SYT7: variants seen among roughly 807,000 people sequenced by gnomAD.
The protein encoded by SYT7 is synaptotagmin-7.
Under a neutral mutation model 75.1 loss-of-function variants are expected in SYT7, and 29 were observed. The ratio of observed to expected loss-of-function variants is 0.39; its 90% CI spans 0.29 to 0.53. The LOEUF (loss-of-function observed/expected upper bound fraction) is 0.53. Among genes scored for constraint, SYT7 ranks in the 20% least tolerant of loss-of-function variants. SYT7 has a pLI of 0.77. For missense variants in SYT7, 693 were observed against 953.2 expected, an observed-to-expected ratio of 0.73 and a Z score of 3.59; for synonymous variants, 376 against 401.7, an observed-to-expected ratio of 0.94 and a Z score of 0.76.
rs1483438042 is a variant in SYT7, at chr11:61,523,720, G to A, written c.1756+107C>T. On this transcript the variant is annotated intron_variant, in intron 11 of 12. Transcript: ENST00000539008. The surrounding 1 kb of genome is among the most constrained non-coding windows in gnomAD (Gnocchi z 5.0). ...TGAGGACTGGAGGTCGGGGTGTGGC[G>A]GGTTGGGGTGAGGACCACTGCAGAC... The A allele has an allele frequency of 8.6e-6, 10 of 1,168,526 alleles. No individual in the cohort carries two copies. Among genetic ancestry groups the A allele is most frequent in the East Asian group, 2.4e-5 (1 of 42,364 alleles). 72.4% of individuals were successfully genotyped at this position (1,168,526 alleles called of 1,614,324 possible).
chr11:61,528,306 G>A lies in SYT7; in HGVS notation c.1201-121C>T, dbSNP rs1464791015. ...GGCCCAGCCCACACTCACATCCCAC[G>A]GACGCTGCTCAGGCTCAGAGGGCAG... is the stretch of plus-strand genomic sequence containing the variant. On this transcript the variant is annotated intron_variant, in intron 8 of 12. Transcript: ENST00000539008. The A allele has an allele frequency of 2.8e-5, 35 of 1,260,012 alleles. No homozygotes were observed. The East Asian group carries it at 4.7e-4, about 17-fold the overall frequency. 78.1% of individuals were successfully genotyped at this position (1,260,012 alleles called of 1,614,324 possible).
At chr11:61,579,561 G>T (rs75033012) in intron 1 of SYT7, among the ~76,000 whole-genome samples, 1 of 152,096 alleles carries the variant, frequency 6.6e-6, no homozygotes, top group Admixed American at 6.5e-5. Context: ...TTCCTCAGGA[G>T]GCAGGGACAG....
chr11:61,558,742 C>T (rs418308), intron 1 of SYT7, among the ~76,000 whole-genome samples: 26,405 of 152,056 alleles, frequency 0.17, 2,805 homozygotes, highest in South Asian at 0.28. Flanking sequence ...TGAGTACCAC[C>T]TCTGCCTCTT....
chr11:61,561,516 G>C (rs900126084), intron 1 of SYT7, among the ~76,000 whole-genome samples: 1 of 152,190 alleles, frequency 6.6e-6, no homozygotes, highest in Admixed American at 6.5e-5. Context: ...GGAGATCTCA[G>C]GGTCAGGTCT....
chr11:61,519,882 A>G (rs2062259131), intron 12 of SYT7, among the ~76,000 whole-genome samples: 1 of 152,150 alleles, frequency 6.6e-6, no homozygotes. Context: ...GTGTAATGGC[A>G]CGATCTCGAC....
At chr11:61,555,262 G>A (rs2063463287) in intron 2 of SYT7, among the ~76,000 whole-genome samples, 1 of 152,204 alleles carries the variant, frequency 6.6e-6, no homozygotes. Context: ...ACCTGACTCC[G>A]CCAAAGGCGT....
chr11:61,533,784 G>T, intron 7 of SYT7: 2 of 549,210 alleles, frequency 3.6e-6, no homozygotes, highest in Non-Finnish European at 4.6e-6. Context: ...GTGGCTGAGA[G>T]CTGAAATTTT....
chr11:61,560,082 G>A (rs2063598829), intron 1 of SYT7, among the ~76,000 whole-genome samples: 1 of 152,190 alleles, frequency 6.6e-6, no homozygotes, highest in Admixed American at 6.5e-5. Context: ...ACAGAGATAA[G>A]CATTATGAGT....
At chr11:61,539,087 A>G (rs1365430648) in intron 6 of SYT7, among the ~76,000 whole-genome samples, 2 of 152,204 alleles carry the variant, frequency 1.3e-5, no homozygotes, top group African/African-American at 4.8e-5. Context: ...ATTGGAGAAG[A>G]GGTCCAGAAG....
chr11:61,573,546 T>C (rs982071099), intron 1 of SYT7, among the ~76,000 whole-genome samples: 1 of 152,242 alleles, frequency 6.6e-6, no homozygotes, highest in African/African-American at 2.4e-5. Flanking sequence ...AAGTTCTTTA[T>C]AGAGATCTGC....
In SYT7 at chr11:61,514,291, C is replaced by T. The variant is rs12808337; in HGVS notation, c.*4336G>A. Among the ~76,000 whole-genome samples, 2 of 152,098 alleles carry T rather than the reference C, an allele frequency of 1.3e-5. No homozygotes were observed. The highest frequency in any genetic ancestry group is 4.8e-5 in the African/African-American group (2 of 41,392). On this transcript the variant is annotated 3_prime_UTR_variant, in exon 13 of 13. Coordinates refer to ENST00000539008, the MANE Select transcript of SYT7 (RefSeq NM_001365809.2). ...GCCCCTGAGGCTACTTACCTGACCC[C>T]GGGGCTTCCTCTGATCTCTGGAACA...
chr11:61,558,465 G>C (rs1281882142), intron 1 of SYT7, among the ~76,000 whole-genome samples: 1 of 148,310 alleles, frequency 6.7e-6, no homozygotes, highest in Non-Finnish European at 1.5e-5. Flanking sequence ...GCAAGACTCT[G>C]TTTCAAAAAA....
rs888544381 is a variant in SYT7, at chr11:61,576,646, T to C, written c.31+4144A>G. On this transcript the variant is annotated intron_variant, in intron 1 of 12. Transcript: ENST00000539008. This position sits in a 1 kb window ranked among gnomAD's most constrained non-coding sequence, Gnocchi z 4.1. The stretch of plus-strand genomic sequence containing the variant: ...CTCACTCCCCTGGGGGAACCAGTTA[T>C]TGAAAACGAAAACGGTCCATCAGAT... Among the ~76,000 whole-genome samples, 8 of 150,630 alleles carry C rather than the reference T, an allele frequency of 5.3e-5. No homozygotes were observed. The highest frequency in any genetic ancestry group is 1.7e-4 in the African/African-American group (7 of 40,928).
chr11:61,537,063 C>T (rs1048570038), intron 7 of SYT7, among the ~76,000 whole-genome samples: 4 of 152,226 alleles, frequency 2.6e-5, no homozygotes, highest in African/African-American at 9.6e-5. Flanking sequence ...GTGACTTGCC[C>T]AAGGCTGCAG....
In SYT7 at chr11:61,556,211, G is replaced by T; in HGVS notation, c.32-4C>A. On this transcript the variant is annotated splice_region_variant and splice_polypyrimidine_tract_variant and intron_variant, in intron 1 of 12. Coordinates refer to ENST00000539008, the MANE Select transcript of SYT7 (RefSeq NM_001365809.2). ...AGGACGTCGCGCGAGGGCGCCCCTG[G>T]GGAGGACAGGTACAGGTCACACCCT... 1 of 1,611,234 alleles carries T rather than the reference G, an allele frequency of 6.2e-7. No homozygotes were observed. The highest frequency in any genetic ancestry group is 2.2e-5 in the East Asian group (1 of 44,798).
chr11:61,539,997 G>A (rs955080243), intron 6 of SYT7: 24 of 152,198 alleles, frequency 1.6e-4, no homozygotes, highest in African/African-American at 5.3e-4. Context: ...TCGGGAGCTA[G>A]TTGTGCTGGG....
chr11:61,539,435 GC>G (rs1037861275), intron 6 of SYT7: 13 of 152,154 alleles, frequency 8.5e-5, no homozygotes, highest in African/African-American at 3.1e-4. Context: ...ATCAGAGTCC[GC>G]GAGCGTTTTC....
rs1051203447 is a variant in SYT7, at chr11:61,546,190, C to A, written c.413G>T (p.Arg138Leu). 1.8e-5 allele frequency: 28 copies of A among 1,517,582 alleles called. No individual in the cohort carries two copies. Among genetic ancestry groups the A allele is most frequent in the Non-Finnish European group, 2.4e-5 (27 of 1,139,796 alleles). The allele number at this position is 1,517,582 out of a possible 1,614,324, so 94.0% of individuals were successfully genotyped here. Residue 138 changes from arginine to leucine, a missense_variant, in exon 5 of 13, where the codon CGG becomes CTG. Around this residue, in one of 2 missense-constraint regions of SYT7, gnomAD observed 487 missense variants for 593.2 expected, o/e 0.82. Transcript: ENST00000539008. The surrounding 1 kb of genome is among the most constrained non-coding windows in gnomAD (Gnocchi z 7.6). ...AAGLAVEREG[R>L]LGEKPAPVPP... ...CACCGGTGCCGGCTTCTCCCCCAGC[C>A]GGCCTTCCCGCTCCACCGCCAGCCC...
chr11:61,561,700 G>T (rs2063639916), intron 1 of SYT7, among the ~76,000 whole-genome samples: 1 of 152,062 alleles, frequency 6.6e-6, no homozygotes, highest in South Asian at 2.1e-4. Context: ...GAAGGAGGAA[G>T]AATCCCAGGC....
Sources: gnomAD v4.1 joint callset for allele counts (sites outside exome capture counted in the v4.1 genomes callset) on GRCh38, gnomAD v4.1.1 for gene constraint, gnomAD v4.1.1 regional missense constraint, Gnocchi (gnomAD v3.1) non-coding constraint, MANE v1.5 for transcripts, NCBI Gene and HGNC (gene_info 2026-07-23, HGNC 2026-07-21) for gene names.